Variants in SKAP1 observed in about 807,000 individuals in gnomAD.
SKAP1 encodes src kinase-associated phosphoprotein 1.
In SKAP1, 44 loss-of-function variants were observed where a neutral mutation model predicts 58.5. That is an observed-to-expected ratio of 0.75 (90% CI 0.59 to 0.97). The LOEUF is 0.97. Among genes scored for constraint, SKAP1 ranks in the 50% least tolerant of loss-of-function variants. SKAP1 has a pLI of 0.00. For missense variants in SKAP1, 390 were observed against 435.2 expected (o/e 0.90, Z 0.92); for synonymous variants, 127 against 149.7 (o/e 0.85, Z 1.11).
intron 4 of SKAP1, among the ~76,000 whole-genome samples, chr17:48,255,647 G>GT (rs971477545): frequency 3.9e-5 from 6 of 151,912 alleles, no homozygotes; most frequent in Admixed American, 2.0e-4. Context: ...TAAACAAAAC[G>GT]TGGCTAGAGA....
chr17:48,220,852 C>CAAAAAAA (rs56006389), intron 4 of SKAP1, among the ~76,000 whole-genome samples: 7 of 83,626 alleles, frequency 8.4e-5, no homozygotes, highest in African/African-American at 1.7e-4. Flanking sequence ...GACTCCATCT[C>CAAAAAAA]AAAAAAAAAA....
chr17:48,243,205 T>C (rs182363765), intron 4 of SKAP1, among the ~76,000 whole-genome samples: 1 of 152,322 alleles, frequency 6.6e-6, no homozygotes, highest in African/African-American at 2.4e-5. Context: ...CAAATATTAC[T>C]GTGGAATTCT....
intron 4 of SKAP1, among the ~76,000 whole-genome samples, chr17:48,338,099 T>TTTTC (rs543418536): frequency 5.4e-4 from 82 of 151,458 alleles, no homozygotes; most frequent in Non-Finnish European, 7.8e-4. Flanking sequence ...CTTTCTTTCT[T>TTTTC]TTTCTTTCTT....
intron 4 of SKAP1, among the ~76,000 whole-genome samples, chr17:48,339,214 T>C (rs959676236): frequency 2.0e-5 from 3 of 152,202 alleles, no homozygotes; most frequent in Admixed American, 2.0e-4. Flanking sequence ...CATGTGCCTT[T>C]ATTAAAGAAA....
intron 1 of SKAP1, among the ~76,000 whole-genome samples, chr17:48,416,745 T>C (rs891361741): frequency 3.3e-5 from 5 of 152,220 alleles, no homozygotes; most frequent in South Asian, 2.1e-4. Context: ...GTAATCCCAC[T>C]TGTATAAAGT....
At chr17:48,385,922 A>G (rs2067269640) in intron 2 of SKAP1, among the ~76,000 whole-genome samples, 1 of 152,176 alleles carries the variant, frequency 6.6e-6, no homozygotes, top group Admixed American at 6.5e-5. Flanking sequence ...CTGCCGGCCA[A>G]ATGTAGAGGG....
chr17:48,421,295 T>C (rs1444470438), intron 1 of SKAP1, among the ~76,000 whole-genome samples: 5 of 143,592 alleles, frequency 3.5e-5, no homozygotes, highest in Non-Finnish European at 6.1e-5. Context: ...AATAGAGTGT[T>C]CTTTTTTTTT....
chr17:48,297,229 G>A (rs375158554), intron 4 of SKAP1, among the ~76,000 whole-genome samples: 8 of 151,930 alleles, frequency 5.3e-5, no homozygotes, highest in Non-Finnish European at 1.0e-4. Context: ...GGTTAACATG[G>A]TTATTTTAAA....
intron 1 of SKAP1, 144 bp from the exon 2 acceptor site, chr17:48,396,929 A>AT: frequency 6.2e-6 from 2 of 324,022 alleles, no homozygotes; most frequent in South Asian, 3.9e-5. Context: ...AAGTATAATA[A>AT]AAAAAAAAAA....
chr17:48,406,303 ATACAAACTT>A (rs1368204281), intron 1 of SKAP1, among the ~76,000 whole-genome samples: 5 of 149,784 alleles, frequency 3.3e-5, no homozygotes, highest in Non-Finnish European at 7.4e-5. Flanking sequence ...CAAAAGCAGC[ATACAAACTT>A]TACAAACTAC....
chr17:48,323,491 C>A (rs2066394824), intron 4 of SKAP1, among the ~76,000 whole-genome samples: 1 of 151,980 alleles, frequency 6.6e-6, no homozygotes, highest in African/African-American at 2.4e-5. Flanking sequence ...CTGCCCTGGG[C>A]AAACAGGGCA....
intron 11 of SKAP1, among the ~76,000 whole-genome samples, chr17:48,147,512 C>T (rs1486516209): frequency 1.3e-5 from 2 of 152,162 alleles, no homozygotes; most frequent in African/African-American, 2.4e-5. Context: ...AATCAGCATC[C>T]TTCTAACTGC....
chr17:48,439,916 A>G, the SKAP1 span, among the ~76,000 whole-genome samples: 1 of 152,214 alleles, frequency 6.6e-6, no homozygotes, highest in East Asian at 1.9e-4. Context: ...CCTGCACCCT[A>G]TAGCCTGACT....
chr17:48,187,790 G>C, intron 6 of SKAP1, 53 bp downstream of exon 6: 2 of 1,276,922 alleles, frequency 1.6e-6, no homozygotes, highest in Non-Finnish European at 2.3e-6. Flanking sequence ...GAGAATTTAC[G>C]AAGTGTTTGC....
chr17:48,144,368 T>G (rs1036784768), intron 11 of SKAP1, among the ~76,000 whole-genome samples: 7 of 152,198 alleles, frequency 4.6e-5, no homozygotes, highest in African/African-American at 1.7e-4. Flanking sequence ...CCACGAGGTA[T>G]TTTAAAATAA....
intron 11 of SKAP1, among the ~76,000 whole-genome samples, chr17:48,155,670 A>C (rs908658565): frequency 6.6e-6 from 1 of 152,186 alleles, no homozygotes; most frequent in South Asian, 2.1e-4. Context: ...CAGCCTGGCC[A>C]ATATGGCAAA....
At chr17:48,250,277 T>G (rs74544389) in intron 4 of SKAP1, among the ~76,000 whole-genome samples, 23,439 of 48,690 alleles carry the variant, frequency 0.48, 3,966 homozygotes, top group East Asian at 0.73. Flanking sequence ...AGACAGTTTT[T>G]TTTTTTTTTT....
At chr17:48,164,480 C>T (rs1321833344) in intron 10 of SKAP1, among the ~76,000 whole-genome samples, 5 of 152,042 alleles carry the variant, frequency 3.3e-5, no homozygotes, top group African/African-American at 1.2e-4. Flanking sequence ...ATATTGAGTG[C>T]CTTTTTGGTG....
intron 3 of SKAP1, among the ~76,000 whole-genome samples, chr17:48,355,664 T>C (rs1177142653): frequency 1.3e-5 from 2 of 152,038 alleles, no homozygotes; most frequent in East Asian, 3.9e-4. Flanking sequence ...CCATCTCTAC[T>C]AAAAATACAA....
Sources: allele counts gnomAD v4.1 joint callset (sites outside exome capture counted in the v4.1 genomes callset), GRCh38; gene constraint gnomAD v4.1.1; transcripts MANE v1.5; gene names NCBI Gene and HGNC (gene_info 2026-07-23, HGNC 2026-07-21).